The following PLA2G4D variants were observed in gnomAD, a reference collection of about 807,000 sequenced individuals.
PLA2G4D encodes phospholipase A2 group IVD.
Under a neutral mutation model 94.4 loss-of-function variants are expected in PLA2G4D, and 80 were observed. That is an observed-to-expected ratio of 0.85 (90% CI 0.71 to 1.02). The LOEUF (loss-of-function observed/expected upper bound fraction) is 1.02, where lower values mean the gene tolerates loss of function less well. Among genes scored for constraint, PLA2G4D ranks in the 50% least tolerant of loss-of-function variants. The pLI, the probability that PLA2G4D is intolerant of heterozygous loss-of-function variation, is 0.00. For synonymous variants in PLA2G4D, 438 were observed against 440.9 expected, an observed-to-expected ratio of 0.99 and a Z score of 0.08; for missense variants, 1,050 against 1,034.7, an observed-to-expected ratio of 1.01 and a Z score of -0.20.
Position 42,071,187 on chromosome 15 carries a change from G to GGCCC in PLA2G4D, c.1811_1812insGGGC (p.Asn604LysfsTer15). The GGCCC allele has an allele frequency of 6.2e-7, 1 of 1,613,690 alleles. No individual in the cohort carries two copies. Among genetic ancestry groups the GGCCC allele is most frequent in the African/African-American group, 1.3e-5 (1 of 75,012 alleles). ...GGTGCAGCTGGAGGCCCTGGAGGAA[G>GGCCC]TTGGGGCTGCGCTGGTGGAGGGGCC... On this transcript the variant is annotated frameshift_variant, in exon 17 of 20. Coordinates refer to ENST00000290472, the MANE Select transcript of PLA2G4D (RefSeq NM_178034.4). LOFTEE classifies it high-confidence loss of function.
intron 1 of PLA2G4D, among the ~76,000 whole-genome samples, chr15:42,090,611 A>G (rs949893076): frequency 6.6e-6 from 1 of 152,166 alleles, no homozygotes; most frequent in Non-Finnish European, 1.5e-5. Flanking sequence ...AGAGGAGTGG[A>G]ACACCTGGGC....
chr15:42,081,065 T>C lies in PLA2G4D; in HGVS notation c.1026A>G (p.Leu342=), dbSNP rs550805863. ...GGAGGCCCAGCTTCTGCAAGGCCAA[T>C]AGGTGGCCGTAGAGTGAGGTCATGG... The part of the protein sequence containing the change: ...ARAMTSLYGH[L]LALQKLGLLD... Residue 342 remains leucine, a synonymous_variant, in exon 12 of 20, where the codon CTA becomes CTG. Transcript: ENST00000290472. 1 of 1,614,106 alleles carries C rather than the reference T, an allele frequency of 6.2e-7. No individual in the cohort carries two copies. The highest frequency in any genetic ancestry group is 1.7e-5 in the Admixed American group (1 of 60,010).
chr15:42,091,671 A>G (rs1890248209), intron 1 of PLA2G4D, among the ~76,000 whole-genome samples: 1 of 152,118 alleles, frequency 6.6e-6, no homozygotes, highest in Non-Finnish European at 1.5e-5. Flanking sequence ...AGTTACCTGG[A>G]GGCCTAACCA....
At position 42,087,641 on chromosome 15, in the gene PLA2G4D, G is replaced by T. The variant is rs897700970; in HGVS notation, c.105C>A (p.Arg35=). 1 of 1,614,158 alleles carries T rather than the reference G, an allele frequency of 6.2e-7. No individual in the cohort carries two copies. The highest frequency in any genetic ancestry group is 1.7e-5 in the Admixed American group (1 of 60,026). Residue 35 remains arginine (R), a synonymous_variant, in exon 2 of 20, where the codon CGC becomes CGA. Coordinates refer to ENST00000290472, the MANE Select transcript of PLA2G4D (RefSeq NM_178034.4). ...TVRVLEARNL[R]WADLLSEADP... is the part of the protein sequence containing the mutation. ...GCGGTTACTCACACAGGTCAGCCCA[G>T]CGCAGGTTCCGCGCCTCCAGGACCC...
At chr15:42,076,505 A>C (rs1889930387) in intron 13 of PLA2G4D, among the ~76,000 whole-genome samples, 1 of 152,220 alleles carries the variant, frequency 6.6e-6, no homozygotes, top group Non-Finnish European at 1.5e-5. Flanking sequence ...TCGAGAATAC[A>C]TAAAGAATTC....
At position 42,087,615 on chromosome 15, in the gene PLA2G4D, G is replaced by C; in HGVS notation, c.118+13C>G. 1 of 1,614,070 alleles carries C rather than the reference G, an allele frequency of 6.2e-7. No homozygotes were observed. The highest frequency in any genetic ancestry group is 8.5e-7 in the Non-Finnish European group (1 of 1,179,986). ...TCCCTGCTCCCGACAGAGCGCACAG[G>C]GCGGTTACTCACACAGGTCAGCCCA... On this transcript the variant is annotated intron_variant, in intron 2 of 19. Coordinates refer to ENST00000290472, the MANE Select transcript of PLA2G4D (RefSeq NM_178034.4).
At chr15:42,086,783 C>T (rs1426971225) in intron 3 of PLA2G4D, among the ~76,000 whole-genome samples, 8 of 152,232 alleles carry the variant, frequency 5.3e-5, no homozygotes, top group African/African-American at 1.9e-4. Context: ...ACCTGGGAGG[C>T]GGAGGTTGCA....
In PLA2G4D at chr15:42,070,951, C is replaced by T. The variant is rs1436774636; in HGVS notation, c.1877-68G>A. The T allele has an allele frequency of 1.9e-6, 3 of 1,551,274 alleles. No individual in the cohort carries two copies. In the African/African-American group the frequency reaches 4.1e-5, roughly 21 times the overall value. ...CAGGTCATCCATGTCCCCTTCTCTC[C>T]TCTGGGTCACTCCTTAAATGCCACC... On this transcript the variant is annotated intron_variant, in intron 17 of 19. Coordinates refer to ENST00000290472, the MANE Select transcript of PLA2G4D (RefSeq NM_178034.4).
chr15:42,093,247 C>G (rs1890275492), intron 1 of PLA2G4D, among the ~76,000 whole-genome samples: 1 of 152,232 alleles, frequency 6.6e-6, no homozygotes. Flanking sequence ...CCTGTGAATG[C>G]CAGCTGGAGG....
At chr15:42,083,846 C>T (rs1278946207) in intron 6 of PLA2G4D, 67 bp from the exon 7 acceptor site, 7 of 1,507,342 alleles carry the variant, frequency 4.6e-6, no homozygotes, top group African/African-American at 1.4e-5. Context: ...AACCTCAACC[C>T]TCTGAGACCC....
chr15:42,085,260 A>G, intron 5 of PLA2G4D, 122 bp from the exon 6 acceptor site: 2 of 1,204,282 alleles, frequency 1.7e-6, no homozygotes, highest in South Asian at 2.5e-5. Context: ...TTCAGGGACA[A>G]GGGGAGATGC....
intron 3 of PLA2G4D, 83 bp from the exon 4 acceptor site, chr15:42,086,427 T>G: frequency 1.8e-5 from 26 of 1,439,238 alleles, no homozygotes; most frequent in Middle Eastern, 1.8e-4. Flanking sequence ...ACTTGATGTC[T>G]AGAGTCAGAG....
chr15:42,085,168 C>T (rs75621794), intron 5 of PLA2G4D, 30 bp from the exon 6 acceptor site: 171,383 of 1,613,086 alleles, frequency 0.11, 10,130 homozygotes, highest in Middle Eastern at 0.14. Flanking sequence ...CAAAGGCAAA[C>T]GCTTCCTGCA....
intron 3 of PLA2G4D, among the ~76,000 whole-genome samples, chr15:42,086,924 C>G (rs1890161094): frequency 6.6e-6 from 1 of 152,184 alleles, no homozygotes; most frequent in South Asian, 2.1e-4. Context: ...GTGTGTCTCT[C>G]TCTCCCTGGC....
In PLA2G4D at chr15:42,071,928, G is replaced by T. The variant is rs374553438; in HGVS notation, c.1436-17C>A. On this transcript the variant is annotated splice_polypyrimidine_tract_variant and intron_variant, in intron 14 of 19. Transcript: ENST00000290472. The stretch of plus-strand genomic sequence containing the variant: ...CAACCCACTCTAATGGGGTGGGAAG[G>T]AGAGGCAGGAGTGTGAGGGGAGTGG... 2.2e-5 allele frequency: 36 copies of T among 1,612,756 alleles called. No homozygotes were observed. Among genetic ancestry groups the T allele is most frequent in the Non-Finnish European group, 2.8e-5 (33 of 1,179,198 alleles).
In PLA2G4D at chr15:42,071,208, G is replaced by A. The variant is rs750130605; in HGVS notation, c.1791C>T (p.Pro597=). 2.5e-5 allele frequency: 40 copies of A among 1,613,310 alleles called. No homozygotes were observed. Among genetic ancestry groups the A allele is most frequent in the Non-Finnish European group, 3.4e-5 (40 of 1,179,798 alleles). The change falls in exon 17 of 20, where the codon CCC becomes CCT. Residue 597 remains proline (P), a synonymous_variant. Transcript: ENST00000290472. ...GGAAGTTGGGGCTGCGCTGGTGGAGGGGCCTGCCTGTCAGGAAGCCTTTAA... is the reference window on the plus strand; with the variant it reads ...GGAAGTTGGGGCTGCGCTGGTGGAGAGGCCTGCCTGTCAGGAAGCCTTTAA... ...QAFKGFLTGR[P]LHQRSPNFLQ... is the part of the protein sequence containing the mutation.
intron 7 of PLA2G4D, 68 bp from the exon 8 acceptor site, chr15:42,083,402 C>G (rs1890080621): frequency 1.3e-6 from 2 of 1,546,454 alleles, no homozygotes; most frequent in Non-Finnish European, 1.7e-6. Flanking sequence ...CCTGGGACAG[C>G]AGCACCACCA....
rs771232549 is a variant in PLA2G4D, at chr15:42,083,354, G to A, written c.536-20C>T. On this transcript the variant is annotated intron_variant, in intron 7 of 19. Coordinates refer to ENST00000290472, the MANE Select transcript of PLA2G4D (RefSeq NM_178034.4). ...CCTGATCTAGGGAGAGAGTAGGCGG[G>A]TTAGCATGAGAACAAGAGCCCGGAA... 2.5e-6 allele frequency: 4 copies of A among 1,605,282 alleles called. No individual in the cohort carries two copies. In the South Asian group the frequency reaches 4.5e-5, roughly 18 times the overall value.
intron 18 of PLA2G4D, 145 bp from the exon 19 acceptor site, chr15:42,070,240 G>C (rs377253849): frequency 1.3e-6 from 1 of 784,656 alleles, no homozygotes; most frequent in Non-Finnish European, 1.9e-6. Flanking sequence ...AGAGTGACTC[G>C]GAGGGAGACC....
Sources: allele counts gnomAD v4.1 joint callset (sites outside exome capture counted in the v4.1 genomes callset), GRCh38; gene constraint gnomAD v4.1.1; transcripts MANE v1.5; gene names NCBI Gene and HGNC (gene_info 2026-07-23, HGNC 2026-07-21).